The following PZP variants were observed in gnomAD, a reference collection of about 807,000 sequenced individuals.
The protein encoded by PZP is pregnancy zone protein.
PZP carries 150 observed loss-of-function variants against 179.8 expected under a neutral mutation model. The ratio of observed to expected loss-of-function variants is 0.83; its 90% confidence interval spans 0.73 to 0.96. The LOEUF is 0.96. Ranked by LOEUF, PZP falls within the 40% of genes least tolerant of loss-of-function variation. PZP has a pLI of 0.00. For synonymous variants in PZP, 624 were observed against 652.3 expected (o/e 0.96, Z 0.66); for missense variants, 1,689 against 1,764.0 (o/e 0.96, Z 0.76).
chr12:9,168,430 C>G (rs1941742277), intron 17 of PZP: 1 of 156,458 alleles, frequency 6.4e-6, no homozygotes, highest in Admixed American at 6.4e-5. Flanking sequence ...TTGAAAAAGG[C>G]TGCTGTATTT....
chr12:9,169,601 TG>T lies in PZP; in HGVS notation c.1840-11del. 2 of 1,584,292 alleles carry T rather than the reference TG, an allele frequency of 1.3e-6. No homozygotes were observed. The highest frequency in any genetic ancestry group is 1.7e-6 in the Non-Finnish European group (2 of 1,168,766). ...TTAGCAGATTATATACCTGTAGCAG[TG>T]GGGGGATCAAAGGCAGAACTGTTAC... is the stretch of plus-strand genomic sequence containing the variant. On this transcript the variant is annotated splice_polypyrimidine_tract_variant and intron_variant, in intron 15 of 35. Transcript: ENST00000261336.
intron 13 of PZP, among the ~76,000 whole-genome samples, chr12:9,189,598 A>G (rs1295008665): frequency 6.6e-6 from 1 of 152,240 alleles, no homozygotes; most frequent in Non-Finnish European, 1.5e-5. Context: ...TTTCATGAAG[A>G]AGACACTAAA....
intron 14 of PZP, 101 bp downstream of exon 14, chr12:9,181,874 C>T: frequency 7.6e-7 from 1 of 1,317,082 alleles, no homozygotes; most frequent in South Asian, 1.5e-5. Flanking sequence ...TGTTGGGCAA[C>T]TCATTTTACT....
At chr12:9,182,215 T>C (rs1942815142) in intron 13 of PZP, 98 bp from the exon 14 acceptor site, 13 of 1,160,566 alleles carry the variant, frequency 1.1e-5, no homozygotes, top group Non-Finnish European at 1.5e-5. Context: ...CTTATCCACT[T>C]GAGAACTGCG....
In PZP at chr12:9,166,172, A is replaced by G; in HGVS notation, c.2138T>C (p.Val713Ala). ...AGLGVVERPY[V>A]PQLGTYNVIP... ...CACATTATATGTGCCTAATTGAGGA[A>G]CATATGGTCTCTCTACTACTCCTAG... The change falls in exon 18 of 36, where the codon GTT (valine) becomes GCT (alanine). Residue 713 changes from valine to alanine, a missense_variant. Physicochemically the swap from Val to Ala is moderately conservative, Grantham distance 64 (BLOSUM62 0). This residue lies in a region of PZP where 201 missense variants were observed against 284.2 expected (regional missense o/e 0.71). Transcript: ENST00000261336. The G allele has an allele frequency of 1.2e-6, 2 of 1,613,638 alleles. No individual in the cohort carries two copies. The highest frequency in any genetic ancestry group is 1.7e-4 in the Middle Eastern group (1 of 6,060).
intron 13 of PZP, among the ~76,000 whole-genome samples, chr12:9,189,023 C>A (rs747480520): frequency 2.6e-5 from 4 of 152,008 alleles, no homozygotes; most frequent in Non-Finnish European, 5.9e-5. Flanking sequence ...AAAAAATATT[C>A]CATGCTCATA....
At chr12:9,193,893 T>G (rs913716193) in intron 11 of PZP, among the ~76,000 whole-genome samples, 184 bp downstream of exon 11, 8 of 151,930 alleles carry the variant, frequency 5.3e-5, no homozygotes, top group Non-Finnish European at 1.2e-4. Context: ...ATCAGGCACT[T>G]CTGCAGTGCC....
intron 1 of PZP, among the ~76,000 whole-genome samples, chr12:9,204,828 G>A (rs1336378664): frequency 6.6e-6 from 1 of 152,092 alleles, no homozygotes. Flanking sequence ...GGGAGAAGTG[G>A]CTTATACCTA....
intron 14 of PZP, 107 bp from the exon 15 acceptor site, chr12:9,181,239 T>A: frequency 7.2e-7 from 1 of 1,380,936 alleles, no homozygotes; most frequent in Admixed American, 2.4e-5. Flanking sequence ...ATGACTATGT[T>A]GGTAATGTCA....
intron 2 of PZP, among the ~76,000 whole-genome samples, chr12:9,203,351 T>A (rs1489624173): frequency 6.7e-6 from 1 of 148,596 alleles, no homozygotes. Context: ...TTTTTTTTTT[T>A]TTTTTTTTGA....
At chr12:9,197,235 G>A in intron 7 of PZP, 112 bp from the exon 8 acceptor site, 2 of 684,748 alleles carry the variant, frequency 2.9e-6, no homozygotes, top group Non-Finnish European at 5.0e-6. Context: ...TTATCATCTG[G>A]GTGCCCACCA....
At position 9,158,536 on chromosome 12, in the gene PZP, A is replaced by G. The variant is rs1420390600; in HGVS notation, c.3178T>C (p.Ser1060Pro). 1 of 1,614,140 alleles carries G rather than the reference A, an allele frequency of 6.2e-7. No individual in the cohort carries two copies. ...FVLKTFAQAR[S>P]YIFIDEAHIT... ...TGTGCTTCATCAATGAAGATGTAGGATCGAGCCTGGGCGAAAGTCTTCAGT... is the reference window on the plus strand; with the variant it reads ...TGTGCTTCATCAATGAAGATGTAGGGTCGAGCCTGGGCGAAAGTCTTCAGT... The change falls in exon 26 of 36, where the codon TCC (serine) becomes CCC (proline). Residue 1060 changes from serine to proline, a missense_variant. Around this residue, in one of 3 missense-constraint regions of PZP, gnomAD observed 746 missense variants for 749.2 expected, o/e 1.00. Coordinates refer to ENST00000261336, the MANE Select transcript of PZP (RefSeq NM_002864.3).
chr12:9,158,676 A>T, intron 25 of PZP, 100 bp from the exon 26 acceptor site: 1 of 1,161,454 alleles, frequency 8.6e-7, no homozygotes, highest in Non-Finnish European at 1.2e-6. Flanking sequence ...TGCACCCAAG[A>T]AAGTCAATCA....
chr12:9,164,280 G>C (rs1273200840), intron 19 of PZP, 21 bp from the exon 20 acceptor site: 8 of 1,609,586 alleles, frequency 5.0e-6, no homozygotes, highest in Non-Finnish European at 5.9e-6. Flanking sequence ...ATGTGAGGCA[G>C]AGACAGAAAT....
chr12:9,178,831 G>A (rs773173762), intron 15 of PZP, among the ~76,000 whole-genome samples: 1 of 152,192 alleles, frequency 6.6e-6, no homozygotes, highest in Non-Finnish European at 1.5e-5. Flanking sequence ...GGGGGCACTA[G>A]TGGATATGCT....
At chr12:9,192,313 CTAT>C (rs1441965552) in intron 12 of PZP, 57 bp from the exon 13 acceptor site, 1 of 1,526,060 alleles carries the variant, frequency 6.6e-7, no homozygotes, top group East Asian at 2.3e-5. Context: ...TCTCAGCCTT[CTAT>C]TCCCCACATG....
intron 15 of PZP, among the ~76,000 whole-genome samples, chr12:9,172,021 A>C (rs1942038788): frequency 6.6e-6 from 1 of 152,288 alleles, no homozygotes; most frequent in East Asian, 1.9e-4. Flanking sequence ...AAGAACATCA[A>C]CCCAAAGACA....
downstream of PZP, among the ~76,000 whole-genome samples, chr12:9,144,824 G>A (rs1182007716): frequency 6.6e-6 from 1 of 152,168 alleles, no homozygotes; most frequent in Non-Finnish European, 1.5e-5. Context: ...TCTCTGGTCG[G>A]GGAGGGTTTA....
intron 5 of PZP, 49 bp downstream of exon 5, chr12:9,201,278 C>T: frequency 6.8e-7 from 1 of 1,466,096 alleles, no homozygotes; most frequent in Non-Finnish European, 9.5e-7. Flanking sequence ...GAACCTCCTA[C>T]TCTCTAAAAG....
Sources: allele counts gnomAD v4.1 joint callset (sites outside exome capture counted in the v4.1 genomes callset), GRCh38; gene constraint gnomAD v4.1.1; regional missense constraint gnomAD v4.1.1; transcripts MANE v1.5; gene names NCBI Gene and HGNC (gene_info 2026-07-23, HGNC 2026-07-21).